Variants in PTPRD observed in about 807,000 individuals in gnomAD.
The protein encoded by PTPRD is receptor-type tyrosine-protein phosphatase delta.
A neutral mutation model predicts 214.5 loss-of-function variants in PTPRD; 34 were observed. The observed-to-expected ratio is 0.16, with a 90% CI of 0.12 to 0.21. The LOEUF (loss-of-function observed/expected upper bound fraction) is 0.21. Ranked by LOEUF, PTPRD falls within the 10% of genes least tolerant of loss-of-function variation. The pLI is 1.00. For missense variants in PTPRD, 2,545 were observed against 2,398.7 expected, an observed-to-expected ratio of 1.06 and a Z score of -1.27; for synonymous variants, 1,128 against 845.7, an observed-to-expected ratio of 1.33 and a Z score of -5.79.
At chr9:10,189,705 T>A (rs1474669953) in intron 3 of PTPRD, among the ~76,000 whole-genome samples, 1 of 152,100 alleles carries the variant, frequency 6.6e-6, no homozygotes, top group Non-Finnish European at 1.5e-5. Context: ...AAAAAAATAT[T>A]TTAAAAGGGC....
intron 3 of PTPRD, among the ~76,000 whole-genome samples, chr9:10,145,075 T>TC (rs1372053174): frequency 1.3e-5 from 2 of 151,880 alleles, no homozygotes; most frequent in Admixed American, 6.6e-5. Flanking sequence ...ATATTCAGTA[T>TC]CCCCCCACGA....
intron 25 of PTPRD, among the ~76,000 whole-genome samples, chr9:8,499,418 A>C (rs927240144): frequency 1.3e-5 from 2 of 152,180 alleles, no homozygotes; most frequent in African/African-American, 4.8e-5. Flanking sequence ...ATTTTAAGGA[A>C]AAAGTAACAT....
At chr9:9,809,170 T>C (rs2046363979) in intron 5 of PTPRD, among the ~76,000 whole-genome samples, 1 of 152,032 alleles carries the variant, frequency 6.6e-6, no homozygotes, top group African/African-American at 2.4e-5. Context: ...TGCATGTTAA[T>C]AGGTTTGTAG....
Position 9,492,097 on chromosome 9 carries a change from A to C in PTPRD, c.-237+82635T>G, listed in dbSNP as rs145227650. 1.4e-3 allele frequency among the ~76,000 whole-genome samples: 209 copies of C among 152,110 alleles called. 1 individual carries two copies. The highest frequency in any genetic ancestry group is 4.8e-3 in the African/African-American group (200 of 41,570). On this transcript the variant is annotated intron_variant, in intron 8 of 45. Coordinates refer to ENST00000381196, the MANE Select transcript of PTPRD (RefSeq NM_002839.4). ...TTATACAGAAATAAAAAGGATTATA[A>C]GAGAATACTATGAGCAACTGTATGC... is the stretch of plus-strand genomic sequence containing the variant.
intron 30 of PTPRD, among the ~76,000 whole-genome samples, chr9:8,479,487 C>A (rs1012123147): frequency 1.3e-5 from 2 of 152,126 alleles, no homozygotes; most frequent in Non-Finnish European, 2.9e-5. Context: ...TACCTTTTCC[C>A]TGACTCCCTT....
intron 9 of PTPRD, among the ~76,000 whole-genome samples, chr9:9,305,868 C>G (rs1279999215): frequency 6.6e-6 from 1 of 152,086 alleles, no homozygotes; most frequent in Non-Finnish European, 1.5e-5. Flanking sequence ...CTGAGGCCAC[C>G]AAGAGAGGCA....
chr9:9,342,592 G>T (rs1404372419), intron 9 of PTPRD, among the ~76,000 whole-genome samples: 1 of 152,124 alleles, frequency 6.6e-6, no homozygotes, highest in Non-Finnish European at 1.5e-5. Flanking sequence ...CCTTTTTGGG[G>T]ATACTGAGTC....
intron 8 of PTPRD, among the ~76,000 whole-genome samples, chr9:9,496,666 T>C (rs2096205568): frequency 6.6e-6 from 1 of 152,202 alleles, no homozygotes; most frequent in African/African-American, 2.4e-5. Flanking sequence ...TGTAAAATGA[T>C]ATAGCTGCTG....
In PTPRD at chr9:9,980,618, C is replaced by CA. The variant is rs1202080056; in HGVS notation, c.-471-42009dup. On this transcript the variant is annotated intron_variant, in intron 4 of 45. Transcript: ENST00000381196. ...AGTGAGACACCTTGTCAAAAAAAAA[C>CA]AAAAAAAAAAAAAAAACAAAAAAAA... Among the ~76,000 whole-genome samples the CA allele has an allele frequency of 6.2e-3, 145 of 23,254 alleles. 3 individuals carry two copies. The highest frequency in any genetic ancestry group is 0.023 in the East Asian group (43 of 1,840). The allele number at this position is 23,254 out of a possible 152,430, so 15.3% of individuals were successfully genotyped here. A position where few individuals can be genotyped will look rare whatever the true frequency, so the allele number is the denominator to read the frequency against.
intron 11 of PTPRD, among the ~76,000 whole-genome samples, chr9:8,913,363 C>T (rs1326943310): frequency 6.6e-6 from 1 of 152,042 alleles, no homozygotes; most frequent in African/African-American, 2.4e-5. Flanking sequence ...TTACTGAAGA[C>T]ATCTCTCTGT....
At chr9:8,862,926 G>A (rs1051991709) in intron 11 of PTPRD, among the ~76,000 whole-genome samples, 1 of 151,974 alleles carries the variant, frequency 6.6e-6, no homozygotes, top group African/African-American at 2.4e-5. Context: ...TTGTGGGGTG[G>A]TGGGGGGGAG....
intron 12 of PTPRD, among the ~76,000 whole-genome samples, chr9:8,650,701 T>C (rs182741170): frequency 4.3e-4 from 66 of 152,318 alleles, no homozygotes; most frequent in Non-Finnish European, 4.1e-4. Flanking sequence ...ACCAATACCC[T>C]GACAGAGATC....
intron 9 of PTPRD, among the ~76,000 whole-genome samples, chr9:9,385,894 C>G (rs1446201213): frequency 6.6e-6 from 1 of 152,034 alleles, no homozygotes; most frequent in Non-Finnish European, 1.5e-5. Context: ...TGACTCCAGT[C>G]TTATGTTCTT....
intron 5 of PTPRD, among the ~76,000 whole-genome samples, chr9:9,775,954 CAAAAAAA>C (rs59412193): frequency 2.4e-4 from 7 of 28,920 alleles, no homozygotes; most frequent in African/African-American, 7.3e-4. Context: ...GACTCTGTCT[CAAAAAAA>C]AAAAAAAAAA....
At chr9:9,430,606 G>T (rs1384130950) in intron 8 of PTPRD, among the ~76,000 whole-genome samples, 1 of 152,120 alleles carries the variant, frequency 6.6e-6, no homozygotes, top group African/African-American at 2.4e-5. Context: ...ACAATCCTAA[G>T]CCAAAAGAAC....
At chr9:10,225,656 C>G (rs1440390792) in intron 3 of PTPRD, among the ~76,000 whole-genome samples, 1 of 151,966 alleles carries the variant, frequency 6.6e-6, no homozygotes, top group Non-Finnish European at 1.5e-5. Context: ...TTGGAATATG[C>G]CAGTCTAGGA....
chr9:9,097,695 G>C (rs1016033248), intron 10 of PTPRD, among the ~76,000 whole-genome samples: 1 of 152,060 alleles, frequency 6.6e-6, no homozygotes, highest in Non-Finnish European at 1.5e-5. Flanking sequence ...CATGGCTCTT[G>C]ATGCAATCAA....
At chr9:10,388,426 TA>T (rs1327748655) in intron 2 of PTPRD, among the ~76,000 whole-genome samples, 1 of 149,888 alleles carries the variant, frequency 6.7e-6, no homozygotes, top group African/African-American at 2.5e-5. Context: ...GAGGCTTGAC[TA>T]TAGTAGATGC....
chr9:10,123,108 G>A (rs1591722261), intron 3 of PTPRD, among the ~76,000 whole-genome samples: 2 of 152,148 alleles, frequency 1.3e-5, no homozygotes, highest in Non-Finnish European at 2.9e-5. Context: ...TTAATGCAAC[G>A]AACAGCAAAG....
Sources: gnomAD v4.1 joint callset for allele counts (sites outside exome capture counted in the v4.1 genomes callset) on GRCh38, gnomAD v4.1.1 for gene constraint, MANE v1.5 for transcripts, NCBI Gene and HGNC (gene_info 2026-07-23, HGNC 2026-07-21) for gene names.